The following MECOM variants were observed in gnomAD, a reference collection of about 807,000 sequenced individuals.
The protein encoded by MECOM is MDS1 and EVI1 complex locus, also known as histone-lysine N-methyltransferase MECOM.
Under a neutral mutation model 116.3 loss-of-function variants are expected in MECOM, and 13 were observed. The ratio of observed to expected loss-of-function variants is 0.11; its 90% CI spans 0.07 to 0.18. MECOM has a LOEUF of 0.18. Among genes scored for constraint, MECOM ranks in the 10% least tolerant of loss-of-function variants. The pLI is 1.00. For missense variants in MECOM, 1,299 were observed against 1,509.0 expected, an observed-to-expected ratio of 0.86 and a Z score of 2.31; for synonymous variants, 528 against 535.2, an observed-to-expected ratio of 0.99 and a Z score of 0.19.
rs1043764505 is a variant in MECOM, at chr3:169,572,096, C to T, written c.37+91240G>A. On this transcript the variant is annotated intron_variant, in intron 1 of 16. Coordinates refer to ENST00000651503, the MANE Select transcript of MECOM (RefSeq NM_004991.4). ...ACATTTTTGCAATCTATCCATCTGA[C>T]AAAGGGCTAATATCCAGAATCTATA... 3.9e-5 allele frequency among the ~76,000 whole-genome samples: 6 copies of T among 152,146 alleles called. No individual in the cohort carries two copies. In the East Asian group the frequency reaches 1.2e-3, roughly 29 times the overall value.
intron 2 of MECOM, chr3:169,144,899 ATAAAAGT>A: frequency 3.3e-6 from 3 of 920,792 alleles, no homozygotes; most frequent in Non-Finnish European, 5.2e-6. Context: ...GCATAACCAC[ATAAAAGT>A]TAAAATTAAA....
chr3:169,483,784 T>C, intron 1 of MECOM: 3 of 1,611,422 alleles, frequency 1.9e-6, no homozygotes, highest in Non-Finnish European at 2.5e-6. Context: ...TTATTCTTCT[T>C]CAAATATTTT....
intron 13 of MECOM, among the ~76,000 whole-genome samples, chr3:169,094,178 G>A (rs1345163118): frequency 6.6e-6 from 1 of 152,120 alleles, no homozygotes; most frequent in Non-Finnish European, 1.5e-5. Flanking sequence ...CATAAATAAT[G>A]TGCCTTTATA....
intron 2 of MECOM, among the ~76,000 whole-genome samples, chr3:169,222,979 A>T (rs1282662908): frequency 2.6e-5 from 4 of 152,176 alleles, no homozygotes; most frequent in Non-Finnish European, 5.9e-5. Context: ...GTGAGGAAAT[A>T]CTAAGGGATC....
At chr3:169,515,406 C>A (rs1218831936) in intron 1 of MECOM, among the ~76,000 whole-genome samples, 1 of 152,172 alleles carries the variant, frequency 6.6e-6, no homozygotes, top group African/African-American at 2.4e-5. Context: ...ATATTCAGTA[C>A]AGACATATAA....
intron 1 of MECOM, among the ~76,000 whole-genome samples, chr3:169,559,707 C>T (rs1450403340): frequency 1.3e-5 from 2 of 152,268 alleles, no homozygotes; most frequent in South Asian, 2.1e-4. Context: ...ATTTAAGTAA[C>T]GTAAGTGCCT....
At chr3:169,477,928 C>A (rs1750734659) in intron 1 of MECOM, among the ~76,000 whole-genome samples, 1 of 152,222 alleles carries the variant, frequency 6.6e-6, no homozygotes, top group Non-Finnish European at 1.5e-5. Context: ...ACAGAAGCTA[C>A]ATGCCACAGC....
At chr3:169,146,558 A>T in intron 2 of MECOM, 1 of 1,376,668 alleles carries the variant, frequency 7.3e-7, no homozygotes, top group Non-Finnish European at 9.7e-7. Flanking sequence ...CCGGCTTAGC[A>T]ACGTAGATAA....
At chr3:169,374,171 C>T (rs541505354) in intron 2 of MECOM, among the ~76,000 whole-genome samples, 3 of 151,710 alleles carry the variant, frequency 2.0e-5, no homozygotes, top group African/African-American at 7.2e-5. Context: ...CTGCCCCAAC[C>T]CTCTCTCTGC....
intron 1 of MECOM, among the ~76,000 whole-genome samples, chr3:169,406,847 TTG>T (rs1736783523): frequency 6.6e-6 from 1 of 151,090 alleles, no homozygotes; most frequent in East Asian, 1.9e-4. Context: ...CTGTTTTTTT[TTG>T]TTTTTTTTTT....
chr3:169,092,859 G>A, intron 14 of MECOM, 99 bp downstream of exon 14: 1 of 1,390,340 alleles, frequency 7.2e-7, no homozygotes, highest in South Asian at 1.2e-5. Context: ...TTTGGTGACT[G>A]AAGTAATAGT....
chr3:169,508,721 AC>A (rs1400924748), intron 1 of MECOM, among the ~76,000 whole-genome samples: 1 of 152,226 alleles, frequency 6.6e-6, no homozygotes, highest in African/African-American at 2.4e-5. Context: ...TAAAATAGAT[AC>A]TTTCCTAAGG....
chr3:169,581,588 C>A (rs1215948512), intron 1 of MECOM, among the ~76,000 whole-genome samples: 1 of 152,038 alleles, frequency 6.6e-6, no homozygotes, highest in Non-Finnish European at 1.5e-5. Context: ...CAATCAGTAC[C>A]AGATTATGAG....
At position 169,212,633 on chromosome 3, in the gene MECOM, AATGTATATATATATATATATATATATAT is replaced by A. The variant is rs1375355096; in HGVS notation, c.376-68829_376-68802del. 3.4e-3 allele frequency among the ~76,000 whole-genome samples: 289 copies of A among 85,512 alleles called. 9 individuals carry two copies. The highest frequency in any genetic ancestry group is 0.024 in the East Asian group (63 of 2,604). 56.1% of individuals were successfully genotyped at this position (85,512 alleles called of 152,430 possible). A position where few individuals can be genotyped will look rare whatever the true frequency, so the allele number is the denominator to read the frequency against. On this transcript the variant is annotated intron_variant, in intron 2 of 16. Coordinates refer to ENST00000651503, the MANE Select transcript of MECOM (RefSeq NM_004991.4). ...ACATAGTCTTGGTCTTCTAGTCAGC[AATGTATATATATATATATATATATATAT>A]ATATATATATATATATATATATATG...
At chr3:169,603,661 C>A (rs926892278) in intron 1 of MECOM, among the ~76,000 whole-genome samples, 5 of 152,152 alleles carry the variant, frequency 3.3e-5, no homozygotes, top group African/African-American at 7.2e-5. Flanking sequence ...CTATGTTATG[C>A]AATTGCCTAT....
chr3:169,565,410 C>G (rs934811525), intron 1 of MECOM, among the ~76,000 whole-genome samples: 7 of 152,182 alleles, frequency 4.6e-5, no homozygotes, highest in African/African-American at 1.7e-4. Context: ...GGATCCACTG[C>G]CCCCTCCTCA....
chr3:169,273,658 T>C (rs1759225833), intron 2 of MECOM, among the ~76,000 whole-genome samples: 2 of 152,162 alleles, frequency 1.3e-5, no homozygotes, highest in African/African-American at 4.8e-5. Context: ...GACTAGGGTG[T>C]ATGCAGCGAG....
At chr3:169,480,455 C>T (rs1475266915) in intron 1 of MECOM, among the ~76,000 whole-genome samples, 1 of 152,182 alleles carries the variant, frequency 6.6e-6, no homozygotes, top group Non-Finnish European at 1.5e-5. Flanking sequence ...GCTCCCCCAA[C>T]CCCTTCCCCT....
intron 2 of MECOM, among the ~76,000 whole-genome samples, chr3:169,185,025 T>G (rs1394289018): frequency 6.6e-6 from 1 of 152,158 alleles, no homozygotes; most frequent in Non-Finnish European, 1.5e-5. Flanking sequence ...GTGAGCCTAT[T>G]AACCCCAAAA....
Sources: allele counts gnomAD v4.1 joint callset (sites outside exome capture counted in the v4.1 genomes callset), GRCh38; gene constraint gnomAD v4.1.1; transcripts MANE v1.5; gene names NCBI Gene and HGNC (gene_info 2026-07-23, HGNC 2026-07-21).